The following TBC1D14 variants were observed in gnomAD, a reference collection of about 807,000 sequenced individuals.
The protein encoded by TBC1D14 is TBC1 domain family member 14, also known as TBC1 domain family, member 14.
Under a neutral mutation model 79.0 loss-of-function variants are expected in TBC1D14, and 26 were observed. The observed-to-expected ratio is 0.33, with a 90% CI of 0.24 to 0.46. The LOEUF (loss-of-function observed/expected upper bound fraction) is 0.46. Ranked by LOEUF, TBC1D14 falls within the 20% of genes least tolerant of loss-of-function variation. The probability of loss-of-function intolerance (pLI) is 1.00; values close to 1 mark genes in which losing one functional copy is unlikely to be tolerated. For synonymous variants in TBC1D14, 394 were observed against 349.9 expected (o/e 1.13, Z -1.40); for missense variants, 769 against 887.6 (o/e 0.87, Z 1.70).
chr4:6,926,126 T>C (rs1339964717), intron 2 of TBC1D14, among the ~76,000 whole-genome samples: 1 of 152,214 alleles, frequency 6.6e-6, no homozygotes, highest in East Asian at 1.9e-4. Flanking sequence ...CCCATTATGC[T>C]GTTGACGAAC....
At chr4:7,024,692 CT>C (rs1158964740) in intron 12 of TBC1D14, among the ~76,000 whole-genome samples, 2 of 152,216 alleles carry the variant, frequency 1.3e-5, no homozygotes, top group African/African-American at 4.8e-5. Context: ...ACAGCGGCCC[CT>C]AAGACAGGAT....
In TBC1D14 at chr4:6,923,621, C is replaced by G. The variant is rs751175855; in HGVS notation, c.232C>G (p.Pro78Ala). ...IPTLEIGNPE[P>A]VPCSAVHVRR... ...TACCCTGGAGATCGGGAACCCGGAGCCTGTACCCTGCAGCGCGGTCCACGT... is the reference window on the plus strand; with the variant it reads ...TACCCTGGAGATCGGGAACCCGGAGGCTGTACCCTGCAGCGCGGTCCACGT... Residue 78 changes from proline (P) to alanine (A), a missense_variant, in exon 2 of 14, where the codon CCT becomes GCT. This residue lies in a region of TBC1D14 where 402 missense variants were observed against 393.2 expected (regional missense o/e 1.02). Transcript: ENST00000409757. 1.9e-5 allele frequency: 31 copies of G among 1,613,834 alleles called. No individual in the cohort carries two copies. The highest frequency in any genetic ancestry group is 1.1e-4 in the African/African-American group (8 of 74,940).
At chr4:6,958,984 C>T (rs1714929259) in intron 2 of TBC1D14, among the ~76,000 whole-genome samples, 1 of 151,908 alleles carries the variant, frequency 6.6e-6, no homozygotes, top group South Asian at 2.1e-4. Context: ...CCCGGGTTCA[C>T]GCCATTCTCC....
At chr4:6,917,883 C>T (rs1037475634) in intron 1 of TBC1D14, among the ~76,000 whole-genome samples, 2 of 152,140 alleles carry the variant, frequency 1.3e-5, no homozygotes, top group East Asian at 1.9e-4. Flanking sequence ...TGGCACGAGG[C>T]GGAAGTGCTT....
intron 3 of TBC1D14, among the ~76,000 whole-genome samples, chr4:6,973,884 C>T (rs34173965): frequency 0.43 from 65,999 of 151,812 alleles, 15,162 homozygotes; most frequent in East Asian, 0.66. Flanking sequence ...AGTGCAGTGG[C>T]GCAATCTTGG....
Position 6,921,440 on chromosome 4 carries a change from G to C in TBC1D14, c.-17-1933G>C, listed in dbSNP as rs74552283. 4.0e-3 allele frequency among the ~76,000 whole-genome samples: 613 copies of C among 151,896 alleles called. 4 individuals are homozygous for C. Among genetic ancestry groups the C allele is most frequent in the African/African-American group, 0.013 (548 of 41,456 alleles). On this transcript the variant is annotated intron_variant, in intron 1 of 13. Transcript: ENST00000409757. ...AGGCTTGCTTTTGAATTCCTAGGCC[G>C]AAGCGATCCTCCTGCCTCTACCTCC...
At chr4:7,001,063 TG>T in intron 6 of TBC1D14, 81 bp from the exon 7 acceptor site, 1 of 1,118,786 alleles carries the variant, frequency 8.9e-7, no homozygotes, top group East Asian at 2.4e-5. Flanking sequence ...TCCCAGCTCT[TG>T]GTGGTTCGGG....
At chr4:6,954,793 T>C (rs1330238422) in intron 2 of TBC1D14, among the ~76,000 whole-genome samples, 1 of 152,218 alleles carries the variant, frequency 6.6e-6, no homozygotes, top group Non-Finnish European at 1.5e-5. Context: ...TTAGCAGAGA[T>C]GGGGTTTTGC....
intron 3 of TBC1D14, among the ~76,000 whole-genome samples, chr4:6,978,712 G>C (rs1168878014): frequency 7.1e-6 from 1 of 139,888 alleles, no homozygotes; most frequent in East Asian, 2.0e-4. Flanking sequence ...ATCCCCCTCT[G>C]CGAGAAACAC....
chr4:7,023,662 G>A (rs1722050102), intron 12 of TBC1D14, among the ~76,000 whole-genome samples: 1 of 152,214 alleles, frequency 6.6e-6, no homozygotes, highest in Non-Finnish European at 1.5e-5. Context: ...CAGAGCGTGG[G>A]CGTTGGAGTC....
intron 12 of TBC1D14, among the ~76,000 whole-genome samples, chr4:7,015,391 C>T (rs1382331629): frequency 6.6e-6 from 1 of 152,092 alleles, no homozygotes; most frequent in Non-Finnish European, 1.5e-5. Flanking sequence ...TTGCTGATGC[C>T]TTCAGCTGAG....
intron 7 of TBC1D14, 43 bp from the exon 8 acceptor site, chr4:7,004,801 A>AC: frequency 6.3e-7 from 1 of 1,599,100 alleles, no homozygotes; most frequent in Non-Finnish European, 8.6e-7. Flanking sequence ...TTTGACGAAA[A>AC]ATACATGTGC....
intron 2 of TBC1D14, among the ~76,000 whole-genome samples, chr4:6,934,474 C>T (rs1227320443): frequency 6.6e-6 from 1 of 152,006 alleles, no homozygotes; most frequent in African/African-American, 2.4e-5. Context: ...GCCTGGCCAA[C>T]ATGGTGAAAC....
At chr4:6,978,170 C>T (rs1235991146) in intron 3 of TBC1D14, among the ~76,000 whole-genome samples, 1 of 150,552 alleles carries the variant, frequency 6.6e-6, no homozygotes, top group Non-Finnish European at 1.5e-5. Flanking sequence ...GTGAGGGGCG[C>T]CTCTGCCCGG....
At chr4:6,916,420 A>G (rs1723407839) in intron 1 of TBC1D14, among the ~76,000 whole-genome samples, 1 of 152,180 alleles carries the variant, frequency 6.6e-6, no homozygotes, top group Non-Finnish European at 1.5e-5. Flanking sequence ...CCCTGTGGGA[A>G]CACACCTAGA....
chr4:7,000,063 C>T (rs1719504435), intron 6 of TBC1D14, among the ~76,000 whole-genome samples: 1 of 152,168 alleles, frequency 6.6e-6, no homozygotes, highest in South Asian at 2.1e-4. Flanking sequence ...CGGCCCTGCT[C>T]AGGGTCTCCA....
At chr4:6,961,502 C>CTG (rs1170137540) in intron 2 of TBC1D14, among the ~76,000 whole-genome samples, 2 of 151,940 alleles carry the variant, frequency 1.3e-5, no homozygotes, top group African/African-American at 4.8e-5. Context: ...GGTGGTGGGG[C>CTG]TGTGTGTGCA....
intron 3 of TBC1D14, among the ~76,000 whole-genome samples, chr4:6,973,331 T>A (rs1343413142): frequency 6.6e-6 from 1 of 152,190 alleles, no homozygotes; most frequent in East Asian, 1.9e-4. Context: ...GCAGCAAGGA[T>A]AGGTCTTGGT....
intron 11 of TBC1D14, among the ~76,000 whole-genome samples, chr4:7,013,950 C>G (rs572690864): frequency 6.6e-6 from 1 of 152,134 alleles, no homozygotes; most frequent in Middle Eastern, 3.2e-3. Context: ...GGAGTTTCAC[C>G]GTGTTAGCGA....
Sources: gnomAD v4.1 joint callset for allele counts (sites outside exome capture counted in the v4.1 genomes callset) on GRCh38, gnomAD v4.1.1 for gene constraint, gnomAD v4.1.1 regional missense constraint, MANE v1.5 for transcripts, NCBI Gene and HGNC (gene_info 2026-07-23, HGNC 2026-07-21) for gene names.